FAT3: variants seen among roughly 807,000 people sequenced by gnomAD.
The protein encoded by FAT3 is protocadherin Fat 3.
FAT3 carries 95 observed loss-of-function variants against 310.2 expected under a neutral mutation model. The observed-to-expected ratio is 0.31, with a 90% CI of 0.26 to 0.36. The LOEUF (loss-of-function observed/expected upper bound fraction) is 0.36. FAT3 is among the 10% of genes least tolerant of loss of function. FAT3 has a pLI of 1.00. For missense variants in FAT3, 5,408 were observed against 5,715.6 expected (o/e 0.95, Z 1.74); for synonymous variants, 2,314 against 2,192.9 (o/e 1.06, Z -1.54).
intron 4 of FAT3, among the ~76,000 whole-genome samples, chr11:92,705,806 TTGG>T (rs1944316843): frequency 2.3e-3 from 11 of 4,776 alleles, no homozygotes; most frequent in Admixed American, 0.014. Flanking sequence ...GGTGTTGGTG[TTGG>T]TGGTGGTGTG....
chr11:92,519,173 T>C (rs1321705797), intron 2 of FAT3, among the ~76,000 whole-genome samples: 1 of 152,110 alleles, frequency 6.6e-6, no homozygotes. Context: ...ATCAAGACAA[T>C]GTGATATTGG....
intron 2 of FAT3, among the ~76,000 whole-genome samples, chr11:92,462,385 G>A (rs544132504): frequency 6.6e-6 from 1 of 151,936 alleles, no homozygotes; most frequent in Non-Finnish European, 1.5e-5. Context: ...ATGTGTACTC[G>A]CTGTTTTGCT....
At chr11:92,478,526 T>C (rs997176973) in intron 2 of FAT3, among the ~76,000 whole-genome samples, 1 of 152,058 alleles carries the variant, frequency 6.6e-6, no homozygotes, top group African/African-American at 2.4e-5. Context: ...CTCAAAGGAC[T>C]TGGGCATTGT....
At chr11:92,611,508 A>G (rs1301764569) in intron 3 of FAT3, among the ~76,000 whole-genome samples, 1 of 152,148 alleles carries the variant, frequency 6.6e-6, no homozygotes, top group Non-Finnish European at 1.5e-5. Context: ...CCCGGGTTCA[A>G]GCGATTCTTG....
chr11:92,559,383 C>CGTTTT (rs773345891), intron 3 of FAT3: 3 of 144,006 alleles, frequency 2.1e-5, no homozygotes, highest in African/African-American at 5.9e-5. Flanking sequence ...ACTTATTTTC[C>CGTTTT]TTTTTTTTTT....
intron 1 of FAT3, among the ~76,000 whole-genome samples, chr11:92,318,656 T>G (rs186699978): frequency 6.0e-4 from 92 of 152,342 alleles, no homozygotes; most frequent in Middle Eastern, 3.4e-3. Flanking sequence ...TTTTTTGGAA[T>G]TGAAATACCC....
chr11:92,344,863 G>A (rs1948367442), intron 1 of FAT3, among the ~76,000 whole-genome samples: 1 of 152,132 alleles, frequency 6.6e-6, no homozygotes, highest in Non-Finnish European at 1.5e-5. Flanking sequence ...CCTCAGATAA[G>A]GCTGGGGGAG....
chr11:92,429,955 A>G (rs1294085356), intron 2 of FAT3, among the ~76,000 whole-genome samples: 1 of 152,170 alleles, frequency 6.6e-6, no homozygotes, highest in African/African-American at 2.4e-5. Context: ...CTCTGAGATA[A>G]TATCCTGAAG....
intron 3 of FAT3, among the ~76,000 whole-genome samples, chr11:92,632,583 C>G (rs1005217062): frequency 6.6e-6 from 1 of 152,186 alleles, no homozygotes; most frequent in Non-Finnish European, 1.5e-5. Context: ...GAAGGTGAGG[C>G]CTCCTTGGGG....
chr11:92,669,845 G>A (rs1452540217), intron 3 of FAT3, among the ~76,000 whole-genome samples: 2 of 152,314 alleles, frequency 1.3e-5, no homozygotes, highest in Non-Finnish European at 2.9e-5. Flanking sequence ...CAGTGTGATT[G>A]TGAAGATTAT....
chr11:92,670,518 A>G (rs1262632471), intron 3 of FAT3, among the ~76,000 whole-genome samples: 1 of 152,190 alleles, frequency 6.6e-6, no homozygotes, highest in Non-Finnish European at 1.5e-5. Context: ...CACTTTGTTA[A>G]TGTGTCGAAC....
At chr11:92,291,218 G>T (rs1946684619) in intron 1 of FAT3, among the ~76,000 whole-genome samples, 2 of 152,030 alleles carry the variant, frequency 1.3e-5, no homozygotes, top group Non-Finnish European at 2.9e-5. Context: ...AGATGTGTAG[G>T]CGGCAGAGTC....
chr11:92,227,155 A>T (rs1476535768), intron 1 of FAT3, among the ~76,000 whole-genome samples: 4 of 152,142 alleles, frequency 2.6e-5, no homozygotes, highest in Non-Finnish European at 4.4e-5. Context: ...GATACACATG[A>T]ACAGCAACAA....
At chr11:92,760,368 G>A (rs1197081185) in intron 4 of FAT3, among the ~76,000 whole-genome samples, 1 of 152,142 alleles carries the variant, frequency 6.6e-6, no homozygotes, top group Non-Finnish European at 1.5e-5. Context: ...AGTTATACCT[G>A]TCAGGTTGTT....
intron 3 of FAT3, among the ~76,000 whole-genome samples, chr11:92,619,543 G>C (rs1428195015): frequency 6.6e-6 from 1 of 152,040 alleles, no homozygotes; most frequent in African/African-American, 2.4e-5. Context: ...TTCATTCTCT[G>C]TACTTCCAAT....
At position 92,894,935 on chromosome 11, in the gene FAT3, C is replaced by T. The variant is rs570533065; in HGVS notation, c.*3822C>T. 7 of 152,322 alleles carry T rather than the reference C, an allele frequency of 4.6e-5. No individual in the cohort carries two copies. The highest frequency in any genetic ancestry group is 3.9e-4 in the East Asian group (2 of 5,192). 9.4% of individuals were successfully genotyped at this position (152,322 alleles called of 1,614,324 possible). On this transcript the variant is annotated 3_prime_UTR_variant, in exon 28 of 28. Transcript: ENST00000525166. Reference sequence around the variant, plus strand: ...GTCCTCTCCTACTTACTTCCCACCCCACCCTATCCACTACCCCCACTGATG... The same window carrying T: ...GTCCTCTCCTACTTACTTCCCACCCTACCCTATCCACTACCCCCACTGATG...
intron 1 of FAT3, among the ~76,000 whole-genome samples, chr11:92,326,486 CAAAG>C (rs1330778484): frequency 6.6e-6 from 1 of 152,216 alleles, no homozygotes; most frequent in Non-Finnish European, 1.5e-5. Flanking sequence ...ATGCGGTAGA[CAAAG>C]AAGGAAACAT....
intron 4 of FAT3, among the ~76,000 whole-genome samples, chr11:92,704,849 ACAC>A (rs1944220885): frequency 4.6e-5 from 7 of 152,202 alleles, no homozygotes; most frequent in African/African-American, 1.4e-4. Context: ...GCCCCTCCTC[ACAC>A]CACCACCTCA....
intron 1 of FAT3, among the ~76,000 whole-genome samples, chr11:92,231,805 G>GTTT (rs5793586): frequency 1.3e-5 from 2 of 149,056 alleles, no homozygotes; most frequent in African/African-American, 2.5e-5. Flanking sequence ...AAATATCAGG[G>GTTT]TTTTTTTTTT....
Sources: allele counts gnomAD v4.1 joint callset (sites outside exome capture counted in the v4.1 genomes callset), GRCh38; gene constraint gnomAD v4.1.1; transcripts MANE v1.5; gene names NCBI Gene and HGNC (gene_info 2026-07-23, HGNC 2026-07-21).